Variants in HTR1F observed in about 807,000 individuals in gnomAD.
The protein encoded by HTR1F is 5-hydroxytryptamine (serotonin) receptor 1F, G protein-coupled.
In HTR1F, 17 loss-of-function variants were observed where a neutral mutation model predicts 24.0. That is an observed-to-expected ratio of 0.71 (90% CI 0.48 to 1.06). The LOEUF (loss-of-function observed/expected upper bound fraction) is 1.06, where lower values mean the gene tolerates loss of function less well. Ranked by LOEUF, HTR1F falls within the 50% of genes least tolerant of loss-of-function variation. The pLI, the probability that HTR1F is intolerant of heterozygous loss-of-function variation, is 0.00. For synonymous variants in HTR1F, 186 were observed against 156.8 expected, an observed-to-expected ratio of 1.19 and a Z score of -1.39; for missense variants, 391 against 427.8, an observed-to-expected ratio of 0.91 and a Z score of 0.76.
At position 87,910,754 on chromosome 3, in the gene HTR1F, G is replaced by A. The variant is rs528841050; in HGVS notation, c.-42-79954G>A. 8.6e-5 allele frequency among the ~76,000 whole-genome samples: 13 copies of A among 151,964 alleles called. 1 individual carries two copies. In the South Asian group the frequency reaches 2.7e-3, roughly 32 times the overall value. ...AATCCTCAGCAAATTCAAAAGAACA[G>A]AAATCATGCTAAACATACTCTTGGA... On this transcript the variant is annotated intron_variant, in intron 2 of 2. Transcript: ENST00000319595.
At chr3:87,967,506 G>C (rs1355813968) in intron 2 of HTR1F, among the ~76,000 whole-genome samples, 1 of 151,588 alleles carries the variant, frequency 6.6e-6, no homozygotes, top group African/African-American at 2.4e-5. Context: ...CGGCTTGGCT[G>C]TGCCCACCCA....
At chr3:87,941,520 G>A (rs1704567872) in intron 2 of HTR1F, among the ~76,000 whole-genome samples, 1 of 152,162 alleles carries the variant, frequency 6.6e-6, no homozygotes, top group Non-Finnish European at 1.5e-5. Flanking sequence ...TGAACAGGCG[G>A]CTAAAAGTAA....
chr3:87,913,771 C>T (rs561722610), intron 2 of HTR1F, among the ~76,000 whole-genome samples: 58 of 152,240 alleles, frequency 3.8e-4, no homozygotes, highest in African/African-American at 1.3e-3. Context: ...AGAATGAGAT[C>T]ATGTCCTTTG....
intron 2 of HTR1F, among the ~76,000 whole-genome samples, chr3:87,894,272 A>G (rs1167622301): frequency 1.3e-5 from 2 of 151,958 alleles, no homozygotes; most frequent in Non-Finnish European, 2.9e-5. Context: ...GTAAGAACAT[A>G]CAATGACAGA....
intron 2 of HTR1F, among the ~76,000 whole-genome samples, chr3:87,922,527 ATTTCTCTGT>A (rs1704032362): frequency 6.6e-6 from 1 of 151,658 alleles, no homozygotes; most frequent in South Asian, 2.1e-4. Context: ...GTGTAATCCC[ATTTCTCTGT>A]TTTTGCTTTT....
At chr3:87,918,993 C>G (rs536362881) in intron 2 of HTR1F, among the ~76,000 whole-genome samples, 15 of 151,990 alleles carry the variant, frequency 9.9e-5, no homozygotes, top group Non-Finnish European at 1.6e-4. Flanking sequence ...AGGCTGTAGT[C>G]ACCAAAACAG....
chr3:87,812,668 C>T (rs551977591), intron 1 of HTR1F, among the ~76,000 whole-genome samples: 6 of 152,272 alleles, frequency 3.9e-5, no homozygotes, highest in African/African-American at 1.4e-4. Flanking sequence ...TGTCAGAGAT[C>T]TTGGTGGCAG....
At chr3:87,831,521 C>G (rs1249424838) in intron 2 of HTR1F, among the ~76,000 whole-genome samples, 1 of 151,900 alleles carries the variant, frequency 6.6e-6, no homozygotes, top group Non-Finnish European at 1.5e-5. Flanking sequence ...GGCCACCACG[C>G]CCGGCTAATT....
rs1704552363 is a variant in HTR1F, at chr3:87,940,892, C to CAGTA, written c.-42-49813_-42-49810dup. 2.0e-5 allele frequency among the ~76,000 whole-genome samples: 3 copies of CAGTA among 152,336 alleles called. No homozygotes were observed. In the South Asian group the frequency reaches 6.2e-4, roughly 32 times the overall value. On this transcript the variant is annotated intron_variant, in intron 2 of 2. Transcript: ENST00000319595. ...CCATTCATATCATGAGATGTCCACA[C>CAGTA]AGTAAGATCTCTTCCCTGTATTATT...
At chr3:87,856,310 G>A (rs1406870303) in intron 2 of HTR1F, among the ~76,000 whole-genome samples, 1 of 152,014 alleles carries the variant, frequency 6.6e-6, no homozygotes, top group Non-Finnish European at 1.5e-5. Context: ...AGTAAGAGAT[G>A]ACAGAATCCT....
chr3:87,929,995 C>G (rs550824346), intron 2 of HTR1F, among the ~76,000 whole-genome samples: 1 of 152,008 alleles, frequency 6.6e-6, no homozygotes. Flanking sequence ...TTTTGTAGTT[C>G]TACTTGCAGA....
At chr3:87,923,646 C>A (rs534434302) in intron 2 of HTR1F, among the ~76,000 whole-genome samples, 126 of 151,702 alleles carry the variant, frequency 8.3e-4, no homozygotes, top group African/African-American at 2.8e-3. Context: ...CATATATGAT[C>A]TTCATTGTTT....
chr3:87,817,536 A>T (rs1207450978), intron 1 of HTR1F, among the ~76,000 whole-genome samples: 1 of 152,204 alleles, frequency 6.6e-6, no homozygotes. Context: ...CTAGCAAAAC[A>T]CTAAAACAGT....
chr3:87,889,914 A>T (rs998276073), intron 2 of HTR1F, among the ~76,000 whole-genome samples: 5 of 152,208 alleles, frequency 3.3e-5, no homozygotes, highest in Non-Finnish European at 7.3e-5. Context: ...CATAATTTGG[A>T]TTTTAAGAAA....
At chr3:87,814,638 T>C (rs938946949) in intron 1 of HTR1F, among the ~76,000 whole-genome samples, 14 of 152,090 alleles carry the variant, frequency 9.2e-5, no homozygotes, top group African/African-American at 3.4e-4. Flanking sequence ...TCTGCAAAAT[T>C]GGAACTATTC....
chr3:87,888,951 T>C (rs1184679594), intron 2 of HTR1F, among the ~76,000 whole-genome samples: 1 of 152,208 alleles, frequency 6.6e-6, no homozygotes, highest in African/African-American at 2.4e-5. Context: ...ATCCCCATTG[T>C]TGGAGGTGGG....
Position 87,991,814 on chromosome 3 carries a change from G to A in HTR1F, c.1065G>A (p.Lys355=). ...LIYTIFNEDF[K]KAFQKLVRCR... ...ACACAATCTTTAATGAAGACTTCAA[G>A]AAAGCATTCCAAAAGCTTGTGCGAT... The change falls in exon 3 of 3, where the codon AAG becomes AAA. Residue 355 remains lysine (K), a synonymous_variant. Transcript: ENST00000319595. The A allele has an allele frequency of 6.3e-7, 1 of 1,589,822 alleles. No homozygotes were observed. The highest frequency in any genetic ancestry group is 8.6e-7 in the Non-Finnish European group (1 of 1,169,016).
intron 2 of HTR1F, among the ~76,000 whole-genome samples, chr3:87,954,094 G>T (rs945332724): frequency 1.3e-5 from 2 of 151,684 alleles, no homozygotes; most frequent in Admixed American, 6.6e-5. Context: ...AGATACAAAT[G>T]AATAGTCAGC....
intron 2 of HTR1F, among the ~76,000 whole-genome samples, chr3:87,840,988 T>C (rs1371465508): frequency 6.6e-6 from 1 of 151,928 alleles, no homozygotes; most frequent in Non-Finnish European, 1.5e-5. Context: ...TACTGTTAGA[T>C]AAGAGACACA....
Sources: gnomAD v4.1 joint callset for allele counts (sites outside exome capture counted in the v4.1 genomes callset) on GRCh38, gnomAD v4.1.1 for gene constraint, MANE v1.5 for transcripts, NCBI Gene and HGNC (gene_info 2026-07-23, HGNC 2026-07-21) for gene names.